Variants in GSTA5 observed in about 807,000 individuals in gnomAD.
GSTA5 encodes glutathione S-transferase A5.
GSTA5 carries 25 observed loss-of-function variants against 21.8 expected under a neutral mutation model. The observed-to-expected ratio is 1.14, with a 90% CI of 0.83 to 1.60. GSTA5 has a LOEUF of 1.60. Among genes scored for constraint, GSTA5 ranks in the 40% most tolerant of loss-of-function variants. GSTA5 has a pLI of 0.00. For missense variants in GSTA5, 330 were observed against 259.2 expected (o/e 1.27, Z -1.88); for synonymous variants, 102 against 89.5 (o/e 1.14, Z -0.78).
intron 3 of GSTA5, among the ~76,000 whole-genome samples, 158 bp downstream of exon 3, chr6:52,836,078 T>A (rs1346169116): frequency 6.6e-6 from 1 of 152,178 alleles, no homozygotes; most frequent in South Asian, 2.1e-4. Context: ...CACTGTTCCC[T>A]CATCTCCATG....
chr6:52,844,554 CT>C (rs1764428213), upstream of GSTA5, among the ~76,000 whole-genome samples: 1 of 152,262 alleles, frequency 6.6e-6, no homozygotes, highest in African/African-American at 2.4e-5. Flanking sequence ...AGAATTACAT[CT>C]CTGAGGTGGT....
At chr6:52,840,499 TC>T (rs2127325184) in intron 1 of GSTA5, among the ~76,000 whole-genome samples, 1 of 152,366 alleles carries the variant, frequency 6.6e-6, no homozygotes, top group South Asian at 2.1e-4. Flanking sequence ...CCACTTAAGT[TC>T]TACACTTTTT....
upstream of GSTA5, chr6:52,840,973 T>A (rs1764366731): frequency 1.3e-5 from 8 of 632,900 alleles, no homozygotes; most frequent in Non-Finnish European, 2.1e-5. Flanking sequence ...GTTCCTGGAA[T>A]GTTTTCTTGG....
intron 3 of GSTA5, 98 bp from the exon 4 acceptor site, chr6:52,834,380 G>T: frequency 8.5e-7 from 1 of 1,175,010 alleles, no homozygotes. Flanking sequence ...TGGTGGCAAA[G>T]TAATTCACCT....
chr6:52,842,308 C>T (rs1764387720), upstream of GSTA5, among the ~76,000 whole-genome samples: 1 of 152,148 alleles, frequency 6.6e-6, no homozygotes, highest in Admixed American at 6.6e-5. Flanking sequence ...TCTCCAAACC[C>T]CCAGCTCTGT....
At chr6:52,840,552 T>C (rs1462572830) in intron 1 of GSTA5, among the ~76,000 whole-genome samples, 175 bp downstream of exon 1, 1 of 152,256 alleles carries the variant, frequency 6.6e-6, no homozygotes, top group African/African-American at 2.4e-5. Flanking sequence ...TGCTCTTAGA[T>C]AAGAAGAAAT....
At chr6:52,834,352 A>T (rs1764263871) in intron 3 of GSTA5, 70 bp from the exon 4 acceptor site, 2 of 1,477,882 alleles carry the variant, frequency 1.4e-6, no homozygotes, top group Non-Finnish European at 1.8e-6. Context: ...TAAAAACCTA[A>T]GAAAATAGAG....
the GSTA5 span, chr6:52,846,214 C>T: frequency 3.3e-3 from 562 of 168,410 alleles, 5 homozygotes; most frequent in African/African-American, 0.012. Flanking sequence ...GGCCAAGGGG[C>T]CACCTACTGG....
At chr6:52,837,442 C>A in intron 2 of GSTA5, 116 bp downstream of exon 2, 1 of 625,448 alleles carries the variant, frequency 1.6e-6, no homozygotes. Flanking sequence ...CACTTTCTCC[C>A]TCTCCACCGT....
exon 4 of GSTA5, chr6:52,834,162 G>A (rs778126711): frequency 1.2e-6 from 2 of 1,614,154 alleles, no homozygotes; most frequent in African/African-American, 1.3e-5. Context: ...CAGGGAAGTA[G>A]CGATTTTTTA....
chr6:52,837,173 C>G (rs1454908110), intron 2 of GSTA5, among the ~76,000 whole-genome samples: 1 of 152,192 alleles, frequency 6.6e-6, no homozygotes, highest in African/African-American at 2.4e-5. Flanking sequence ...AAAGAAAAAC[C>G]TCAAGGCAAT....
chr6:52,845,334 T>C (rs1247068341), upstream of GSTA5, among the ~76,000 whole-genome samples: 1 of 152,146 alleles, frequency 6.6e-6, no homozygotes, highest in Non-Finnish European at 1.5e-5. Context: ...GAGCAAGGTC[T>C]AGAGACATTT....
At chr6:52,834,099 G>A (rs1478194663) in intron 4 of GSTA5, 42 bp downstream of exon 4, 7 of 1,612,278 alleles carry the variant, frequency 4.3e-6, no homozygotes, top group Middle Eastern at 1.6e-4. Context: ...TTCTACTGGT[G>A]TCTAAACTCA....
Position 52,839,945 on chromosome 6 carries a change from C to T in GSTA5, c.87+782G>A, listed in dbSNP as rs186051108. ...GGCCGCCCCAGGGCAGGGACTGTGT[C>T]TGTCTTGTTCACTGTCTATCTCCAT... is the stretch of plus-strand genomic sequence containing the variant. On this transcript the variant is annotated intron_variant, in intron 1 of 5. Coordinates refer to ENST00000370989, the Ensembl canonical transcript of GSTA5. Among the ~76,000 whole-genome samples, 253 of 152,358 alleles carry T rather than the reference C, an allele frequency of 1.7e-3. 2 individuals are homozygous for T. Among genetic ancestry groups the T allele is most frequent in the Non-Finnish European group, 9.8e-4 (67 of 68,030 alleles).
chr6:52,843,159 C>A (rs1278429708), upstream of GSTA5, among the ~76,000 whole-genome samples: 1 of 152,110 alleles, frequency 6.6e-6, no homozygotes, highest in Non-Finnish European at 1.5e-5. Context: ...CATTGATGGG[C>A]ATTTGGGTTG....
intron 5 of GSTA5, 68 bp from the exon 6 acceptor site, chr6:52,832,038 G>T (rs1056489820): frequency 1.3e-6 from 2 of 1,553,494 alleles, no homozygotes; most frequent in African/African-American, 2.8e-5. Context: ...ATGACCCAGG[G>T]AATGTGAGCC....
In GSTA5 at chr6:52,831,727, T is replaced by C. The variant is rs561309855; in HGVS notation, c.*121A>G. 9 of 1,150,904 alleles carry C rather than the reference T, an allele frequency of 7.8e-6. No individual in the cohort carries two copies. In the South Asian group the frequency reaches 1.0e-4, roughly 13 times the overall value. 71.3% of individuals were successfully genotyped at this position (1,150,904 alleles called of 1,614,324 possible). A position where few individuals can be genotyped will look rare whatever the true frequency, so the allele number is the denominator to read the frequency against. On this transcript the variant is annotated 3_prime_UTR_variant, in exon 6 of 6. Transcript: ENST00000370989. ...AGAGTTATTTATTATTTAATTAGCA[T>C]GTAATTGGAAAGAGTTTATTAGCTT...
chr6:52,835,637 A>T (rs1764281374), intron 3 of GSTA5, among the ~76,000 whole-genome samples: 1 of 152,138 alleles, frequency 6.6e-6, no homozygotes. Flanking sequence ...TCTCATCACA[A>T]CAGAGAGGAG....
chr6:52,837,706 T>C (rs1764313183), intron 1 of GSTA5, 97 bp from the exon 2 acceptor site: 1 of 885,862 alleles, frequency 1.1e-6, no homozygotes, highest in South Asian at 1.6e-5. Flanking sequence ...TTGGAGAATA[T>C]AAGATTTCTG....
Sources: allele counts gnomAD v4.1 joint callset (sites outside exome capture counted in the v4.1 genomes callset), GRCh38; gene constraint gnomAD v4.1.1; transcripts MANE v1.5; gene names NCBI Gene and HGNC (gene_info 2026-07-23, HGNC 2026-07-21).